The following RELN variants were observed in gnomAD, a reference collection of about 807,000 sequenced individuals.
The protein encoded by RELN is reelin.
RELN carries 108 observed loss-of-function variants against 427.6 expected under a neutral mutation model. That is an observed-to-expected ratio of 0.25 (90% confidence interval 0.22 to 0.30). The LOEUF (loss-of-function observed/expected upper bound fraction) is 0.30, where lower values mean the gene tolerates loss of function less well. Ranked by LOEUF, RELN falls within the 10% of genes least tolerant of loss-of-function variation. The pLI is 1.00. For missense variants in RELN, 3,715 were observed against 4,302.8 expected (o/e 0.86, Z 3.82); for synonymous variants, 1,524 against 1,513.4 (o/e 1.01, Z -0.16).
intron 20 of RELN, among the ~76,000 whole-genome samples, chr7:103,618,969 T>C (rs539983706): frequency 7.9e-5 from 12 of 152,108 alleles, no homozygotes; most frequent in African/African-American, 2.9e-4. Context: ...AAAACCAAAA[T>C]TAGCCAGGCA....
At chr7:103,831,712 C>T (rs938265000) in intron 3 of RELN, among the ~76,000 whole-genome samples, 2 of 152,002 alleles carry the variant, frequency 1.3e-5, no homozygotes, top group South Asian at 2.1e-4. Flanking sequence ...GTTCAGGCTC[C>T]ATCAGGAGGT....
At chr7:103,870,210 CT>C (rs1177016582) in intron 2 of RELN, among the ~76,000 whole-genome samples, 2 of 151,930 alleles carry the variant, frequency 1.3e-5, no homozygotes, top group South Asian at 2.1e-4. Flanking sequence ...TCTTTAAAGT[CT>C]TTGTTAAATT....
At chr7:103,712,602 T>C (rs1274426746) in intron 8 of RELN, among the ~76,000 whole-genome samples, 1 of 152,238 alleles carries the variant, frequency 6.6e-6, no homozygotes, top group Non-Finnish European at 1.5e-5. Flanking sequence ...GTGAAATGCA[T>C]GATAATTCAC....
chr7:103,510,663 T>C (rs1829377590), intron 51 of RELN, among the ~76,000 whole-genome samples, 188 bp downstream of exon 51: 1 of 152,084 alleles, frequency 6.6e-6, no homozygotes, highest in African/African-American at 2.4e-5. Flanking sequence ...CAACTTGAAA[T>C]AGTTCAGAAA....
At chr7:103,595,388 G>A (rs1277961872) in intron 25 of RELN, among the ~76,000 whole-genome samples, 1 of 151,860 alleles carries the variant, frequency 6.6e-6, no homozygotes, top group Non-Finnish European at 1.5e-5. Context: ...CCTTTTTTCT[G>A]TTTTCTCCTT....
intron 2 of RELN, among the ~76,000 whole-genome samples, chr7:103,889,677 A>G (rs772781957): frequency 2.0e-5 from 3 of 152,156 alleles, no homozygotes; most frequent in Non-Finnish European, 4.4e-5. Flanking sequence ...GCAGGCAGAG[A>G]CACTGAAACT....
intron 6 of RELN, among the ~76,000 whole-genome samples, chr7:103,744,045 G>C (rs370802924): frequency 6.6e-6 from 1 of 152,094 alleles, no homozygotes. Context: ...TAAAAGAACA[G>C]AAATTATAAT....
chr7:103,723,823 C>A (rs1333000151), intron 7 of RELN, among the ~76,000 whole-genome samples: 1 of 151,226 alleles, frequency 6.6e-6, no homozygotes, highest in Non-Finnish European at 1.5e-5. Context: ...AAACTGTTAC[C>A]AAAAAAAATG....
intron 3 of RELN, among the ~76,000 whole-genome samples, chr7:103,831,292 T>A (rs558786077): frequency 6.6e-6 from 1 of 152,252 alleles, no homozygotes; most frequent in African/African-American, 2.4e-5. Context: ...AAAGAGTCAG[T>A]GATCACTATT....
intron 31 of RELN, among the ~76,000 whole-genome samples, chr7:103,570,309 C>G (rs1830852903): frequency 6.6e-6 from 1 of 152,124 alleles, no homozygotes; most frequent in Non-Finnish European, 1.5e-5. Context: ...TTTTTTAGGT[C>G]ATACACAAAT....
chr7:103,944,052 CAG>C (rs1222964226), intron 1 of RELN, among the ~76,000 whole-genome samples: 1 of 151,848 alleles, frequency 6.6e-6, no homozygotes, highest in African/African-American at 2.4e-5. Context: ...GGAGATCAAA[CAG>C]GGGCTGGAAC....
chr7:103,961,670 C>T (rs1421888581), intron 1 of RELN, among the ~76,000 whole-genome samples: 1 of 152,174 alleles, frequency 6.6e-6, no homozygotes, highest in African/African-American at 2.4e-5. Context: ...AAACCATCCT[C>T]GTGGGTCTGA....
intron 3 of RELN, among the ~76,000 whole-genome samples, chr7:103,817,143 C>T (rs373547008): frequency 2.6e-5 from 4 of 152,168 alleles, no homozygotes; most frequent in African/African-American, 7.2e-5. Flanking sequence ...CGACCCACCA[C>T]GCTCAGCCCC....
intron 33 of RELN, among the ~76,000 whole-genome samples, chr7:103,565,880 G>C (rs1346455636): frequency 6.6e-6 from 1 of 152,120 alleles, no homozygotes; most frequent in Non-Finnish European, 1.5e-5. Context: ...GATCAAATCA[G>C]GGTAATTGGG....
intron 6 of RELN, among the ~76,000 whole-genome samples, chr7:103,739,851 A>C (rs1387665209): frequency 6.6e-6 from 1 of 152,168 alleles, no homozygotes; most frequent in East Asian, 1.9e-4. Context: ...GCACAATTGC[A>C]CACCAGAGTA....
intron 20 of RELN, among the ~76,000 whole-genome samples, chr7:103,616,514 A>C (rs904735789): frequency 3.9e-5 from 6 of 152,190 alleles, no homozygotes; most frequent in African/African-American, 1.4e-4. Flanking sequence ...TAGAAATTGT[A>C]TACTTATTGG....
At chr7:103,806,629 G>A (rs1228780915) in intron 3 of RELN, among the ~76,000 whole-genome samples, 7 of 152,064 alleles carry the variant, frequency 4.6e-5, no homozygotes, top group African/African-American at 1.7e-4. Context: ...CCGGCCATAA[G>A]CACTTCTTAT....
Position 103,626,611 on chromosome 7 carries a change from A to G in RELN, c.2702+3329T>C, listed in dbSNP as rs188159572. On this transcript the variant is annotated intron_variant, in intron 20 of 64. Transcript: ENST00000428762. The surrounding 1 kb of genome is among the most constrained non-coding windows in gnomAD (Gnocchi z 4.4). ...AGGTGATCCGCCCACCTTGGCCTCC[A>G]AAGTGCACAAGCCACTGTGCCTGGC... Among the ~76,000 whole-genome samples, 120 of 152,202 alleles carry G rather than the reference A, an allele frequency of 7.9e-4. No individual in the cohort carries two copies. Among genetic ancestry groups the G allele is most frequent in the African/African-American group, 2.8e-3 (118 of 41,550 alleles).
At chr7:103,606,073 T>C (rs1319734716) in intron 22 of RELN, among the ~76,000 whole-genome samples, 2 of 152,204 alleles carry the variant, frequency 1.3e-5, no homozygotes, top group South Asian at 2.1e-4. Flanking sequence ...AGATGCATTA[T>C]CTTAGAGCAG....
Sources: gnomAD v4.1 joint callset for allele counts (sites outside exome capture counted in the v4.1 genomes callset) on GRCh38, gnomAD v4.1.1 for gene constraint, Gnocchi (gnomAD v3.1) non-coding constraint, MANE v1.5 for transcripts, NCBI Gene and HGNC (gene_info 2026-07-23, HGNC 2026-07-21) for gene names.